Variants in SPC24 observed in about 807,000 individuals in gnomAD.
SPC24 encodes SPC24 component of NDC80 kinetochore complex, also known as kinetochore protein Spc24.
SPC24 carries 31 observed loss-of-function variants against 27.6 expected under a neutral mutation model. That is an observed-to-expected ratio of 1.12 (90% CI 0.84 to 1.52). The LOEUF is 1.52. Among genes scored for constraint, SPC24 ranks in the 40% most tolerant of loss-of-function variants. The probability of loss-of-function intolerance (pLI) is 0.00; values close to 1 mark genes in which losing one functional copy is unlikely to be tolerated. For missense variants in SPC24, 284 were observed against 252.5 expected, an observed-to-expected ratio of 1.12 and a Z score of -0.84; for synonymous variants, 105 against 105.8, an observed-to-expected ratio of 0.99 and a Z score of 0.05.
intron 1 of SPC24, among the ~76,000 whole-genome samples, chr19:11,153,035 A>AATTGT (rs1367301101): frequency 6.6e-6 from 1 of 152,048 alleles, no homozygotes; most frequent in African/African-American, 2.4e-5. Flanking sequence ...TGACTGTATA[A>AATTGT]GGCACCTGAA....
chr19:11,151,624 G>C (rs907838551), intron 1 of SPC24, among the ~76,000 whole-genome samples: 16 of 151,748 alleles, frequency 1.1e-4, no homozygotes, highest in Non-Finnish European at 1.6e-4. Flanking sequence ...TTTTTTGGGG[G>C]GGGGGGATGG....
At chr19:11,147,764 TTA>T in intron 4 of SPC24, 52 bp downstream of exon 4, 1 of 1,506,292 alleles carries the variant, frequency 6.6e-7, no homozygotes, top group Non-Finnish European at 9.1e-7. Context: ...ATGCACCATT[TTA>T]TGTCCCTACC....
At chr19:11,151,447 G>A (rs546737179) in intron 1 of SPC24, among the ~76,000 whole-genome samples, 4 of 152,282 alleles carry the variant, frequency 2.6e-5, no homozygotes, top group East Asian at 1.9e-4. Flanking sequence ...TAGGACAGCT[G>A]AGGCTCTGGC....
In SPC24 at chr19:11,155,420, G is replaced by C. The variant is rs577847074; in HGVS notation, c.160+197C>G. Among the ~76,000 whole-genome samples, 7 of 152,304 alleles carry C rather than the reference G, an allele frequency of 4.6e-5. No individual in the cohort carries two copies. In the East Asian group the frequency reaches 1.3e-3, roughly 29 times the overall value. ...CCTATATTTACCACTAAACCCCTGG[G>C]GGGTGGGGGATGGTTGCTGTCATAA... On this transcript the variant is annotated intron_variant, in intron 1 of 4. Coordinates refer to ENST00000592540, the MANE Select transcript of SPC24 (RefSeq NM_182513.4).
rs10402592 is a variant in SPC24 at position 11,146,211 on chromosome 19, T to C, written c.*972A>G. 0.81 allele frequency: 122,948 copies of C among 151,604 alleles called. 50,474 individuals are homozygous for C. Among genetic ancestry groups the C allele is most frequent in the Admixed American group, 0.89 (13,458 of 15,150 alleles). The allele number at this position is 151,604 out of a possible 1,614,324, so 9.4% of individuals were successfully genotyped here. ...TCCGTCAGCAGTGGGAGGAGAACCA[T>C]GTCACTCGTATCTTGTCTCTCTGGT... On this transcript the variant is annotated 3_prime_UTR_variant, in exon 5 of 5. Coordinates refer to ENST00000592540, the MANE Select transcript of SPC24 (RefSeq NM_182513.4).
chr19:11,147,964 C>T (rs377130916), intron 3 of SPC24, 49 bp downstream of exon 3: 20 of 1,599,814 alleles, frequency 1.3e-5, no homozygotes, highest in East Asian at 4.5e-5. Flanking sequence ...AACCAAGAGC[C>T]GGACTGCACA....
Position 11,147,153 on chromosome 19 carries a change from G to T in SPC24, c.*30C>A. Reference sequence around the variant, plus strand: ...GATCTGACCACGGCAGATGCCCGCTGGGTGCAAGACGCAGCCACGAGGCTC... The same window carrying T: ...GATCTGACCACGGCAGATGCCCGCTTGGTGCAAGACGCAGCCACGAGGCTC... On this transcript the variant is annotated 3_prime_UTR_variant, in exon 5 of 5. Coordinates refer to ENST00000592540, the MANE Select transcript of SPC24 (RefSeq NM_182513.4). 2 of 1,420,368 alleles carry T rather than the reference G, an allele frequency of 1.4e-6. No individual in the cohort carries two copies. Among genetic ancestry groups the T allele is most frequent in the Non-Finnish European group, 1.9e-6 (2 of 1,033,790 alleles). 88.0% of individuals were successfully genotyped at this position (1,420,368 alleles called of 1,614,324 possible).
intron 1 of SPC24, among the ~76,000 whole-genome samples, chr19:11,153,193 C>T (rs2077885320): frequency 1.3e-5 from 2 of 152,018 alleles, no homozygotes; most frequent in South Asian, 4.1e-4. Context: ...CGCCTGTAAT[C>T]CCAGCACTTT....
chr19:11,147,230 T>C lies in SPC24; in HGVS notation c.547A>G (p.Lys183Glu). The change falls in exon 5 of 5, where the codon AAA (lysine) becomes GAA (glutamate). Residue 183 changes from lysine to glutamate, a missense_variant. Coordinates refer to ENST00000592540, the MANE Select transcript of SPC24 (RefSeq NM_182513.4). ...IHLDSTQLSRKFISDYLWSLV... is the reference protein window; with the variant it reads ...IHLDSTQLSREFISDYLWSLV... ...CTCCAGAGGTAGTCGCTGATGAATT[T>C]CCTGGAGAGCTGGGTGCTGTCCAGG... 1 of 1,562,730 alleles carries C rather than the reference T, an allele frequency of 6.4e-7. No individual in the cohort carries two copies. Among genetic ancestry groups the C allele is most frequent in the Non-Finnish European group, 8.7e-7 (1 of 1,152,898 alleles).
chr19:11,147,934 A>T (rs1568630687), intron 3 of SPC24, 40 bp from the exon 4 acceptor site: 1 of 1,551,084 alleles, frequency 6.4e-7, no homozygotes, highest in South Asian at 1.2e-5. Flanking sequence ...AAAAAAAGAA[A>T]GTTACCCAGC....
chr19:11,152,725 A>G (rs1391655558), intron 1 of SPC24, among the ~76,000 whole-genome samples: 1 of 152,044 alleles, frequency 6.6e-6, no homozygotes, highest in African/African-American at 2.4e-5. Context: ...GCCGAGTCAC[A>G]TCTTTCTCCT....
chr19:11,146,000 G>T lies in SPC24; in HGVS notation c.*1183C>A. On this transcript the variant is annotated 3_prime_UTR_variant, in exon 5 of 5. Coordinates refer to ENST00000592540, the MANE Select transcript of SPC24 (RefSeq NM_182513.4). ...AACTCCTGGGCTCAAGTGATCTGCC[G>T]GCCTCTGCCTTCTACAGTGCTGGGA... is the stretch of plus-strand genomic sequence containing the variant. The T allele has an allele frequency of 6.6e-6, 1 of 152,104 alleles. No individual in the cohort carries two copies. The highest frequency in any genetic ancestry group is 3.4e-3 in the Middle Eastern group (1 of 294). 9.4% of individuals were successfully genotyped at this position (152,104 alleles called of 1,614,324 possible). A position where few individuals can be genotyped will look rare whatever the true frequency, so the allele number is the denominator to read the frequency against.
chr19:11,148,226 G>T, intron 2 of SPC24, 109 bp from the exon 3 acceptor site: 1 of 706,772 alleles, frequency 1.4e-6, no homozygotes. Flanking sequence ...TCTCTTCTTT[G>T]AGTCAGAGTT....
At chr19:11,149,797 G>A (rs997136266) in intron 1 of SPC24, among the ~76,000 whole-genome samples, 26 of 148,016 alleles carry the variant, frequency 1.8e-4, no homozygotes, top group African/African-American at 4.0e-4. Context: ...TGCAACCTCC[G>A]CCTTCCAGTT....
chr19:11,147,651 C>A, intron 4 of SPC24, 167 bp downstream of exon 4: 1 of 644,154 alleles, frequency 1.6e-6, no homozygotes, highest in Non-Finnish European at 2.7e-6. Flanking sequence ...CCAGGCTGGT[C>A]TCAAACTCCT....
Position 11,147,197 on chromosome 19 carries a change from C to G in SPC24, c.580G>C (p.Asp194His), listed in dbSNP as rs1445320881. The G allele has an allele frequency of 3.9e-6, 6 of 1,553,140 alleles. No homozygotes were observed. The highest frequency in any genetic ancestry group is 5.2e-6 in the Non-Finnish European group (6 of 1,147,756). Residue 194 changes from aspartate to histidine, a missense_variant, in exon 5 of 5, where the codon GAC becomes CAC. Coordinates refer to ENST00000592540, the MANE Select transcript of SPC24 (RefSeq NM_182513.4). ...GAGGCTCCTGGCTACCACTCGGTGT[C>G]CACCAGACTCCAGAGGTAGTCGCTG... ...FISDYLWSLV[D>H]TEW
intron 1 of SPC24, among the ~76,000 whole-genome samples, chr19:11,151,186 G>GAAAAA (rs2077868563): frequency 9.0e-6 from 1 of 111,074 alleles, no homozygotes; most frequent in Non-Finnish European, 2.0e-5. Flanking sequence ...AAAAAAAAAT[G>GAAAAA]CTTCCCAAAG....
intron 1 of SPC24, among the ~76,000 whole-genome samples, chr19:11,154,442 G>A (rs191898941): frequency 5.3e-5 from 8 of 152,280 alleles, no homozygotes; most frequent in East Asian, 1.9e-4. Context: ...GGGAGGCTGA[G>A]GTGGGAGGAT....
Position 11,146,265 on chromosome 19 carries a change from A to T in SPC24, c.*918T>A, listed in dbSNP as rs780620655. 5.9e-5 allele frequency: 9 copies of T among 151,386 alleles called. No homozygotes were observed. Among genetic ancestry groups the T allele is most frequent in the Non-Finnish European group, 1.3e-4 (9 of 67,942 alleles). The allele number at this position is 151,386 out of a possible 1,614,324, so 9.4% of individuals were successfully genotyped here. ...TAGCAGAGTCTGGGCACACCGTGGC[A>T]CTCAAACATACCCCCTGAATGAGTA... On this transcript the variant is annotated 3_prime_UTR_variant, in exon 5 of 5. Transcript: ENST00000592540.
Sources: gnomAD v4.1 joint callset for allele counts (sites outside exome capture counted in the v4.1 genomes callset) on GRCh38, gnomAD v4.1.1 for gene constraint, MANE v1.5 for transcripts, NCBI Gene and HGNC (gene_info 2026-07-23, HGNC 2026-07-21) for gene names.